The following AKAP11 variants were observed in gnomAD, a reference collection of about 807,000 sequenced individuals.
AKAP11 encodes the protein A-kinase anchor protein 11.
AKAP11 carries 36 observed loss-of-function variants against 146.1 expected under a neutral mutation model. That is an observed-to-expected ratio of 0.25 (90% CI 0.19 to 0.33). The LOEUF (loss-of-function observed/expected upper bound fraction) is 0.33, where lower values mean the gene tolerates loss of function less well. Ranked by LOEUF, AKAP11 falls within the 10% of genes least tolerant of loss-of-function variation. AKAP11 has a pLI of 1.00. For missense variants in AKAP11, 2,201 were observed against 2,197.0 expected (o/e 1.00, Z -0.04); for synonymous variants, 780 against 786.5 (o/e 0.99, Z 0.14).
intron 1 of AKAP11, among the ~76,000 whole-genome samples, chr13:42,281,511 G>C (rs1425356553): frequency 6.6e-6 from 1 of 152,164 alleles, no homozygotes; most frequent in East Asian, 1.9e-4. Flanking sequence ...TCAAGTAATA[G>C]GTGATGTCAA....
In AKAP11 at chr13:42,301,909, C is replaced by G; in HGVS notation, c.3163C>G (p.Leu1055Val). ...LKKHNLNSTS[L>V]EALSFGQENP... Reference sequence around the variant, plus strand: ...AAAGCATAACTTGAATAGTACATCACTTGAGGCCTTGTCTTTTGGACAGGA... The same window carrying G: ...AAAGCATAACTTGAATAGTACATCAGTTGAGGCCTTGTCTTTTGGACAGGA... Residue 1055 changes from leucine to valine, a missense_variant, in exon 8 of 13, where the codon CTT becomes GTT. By Grantham distance (32) the Leu-to-Val change is conservative (BLOSUM62 1). Transcript: ENST00000025301. 6.2e-7 allele frequency: 1 copy of G among 1,614,174 alleles called. No homozygotes were observed.
rs1224300043 is a variant in AKAP11, at chr13:42,303,171, C to A, written c.4425C>A (p.Ala1475=). The part of the protein sequence containing the change: ...ITKDAKEELT[A]SLVGLPKSLT... Reference sequence around the variant, plus strand: ...AAGATGCTAAGGAAGAGTTGACAGCCTCTCTAGTTGGCCTACCAAAATCCT... The same window carrying A: ...AAGATGCTAAGGAAGAGTTGACAGCATCTCTAGTTGGCCTACCAAAATCCT... The change falls in exon 8 of 13, where the codon GCC becomes GCA. Residue 1475 remains alanine (A), a synonymous_variant. Coordinates refer to ENST00000025301, the MANE Select transcript of AKAP11 (RefSeq NM_016248.4). The A allele has an allele frequency of 8.1e-6, 13 of 1,614,082 alleles. No individual in the cohort carries two copies. The highest frequency in any genetic ancestry group is 1.0e-5 in the Non-Finnish European group (12 of 1,180,044).
chr13:42,319,303 A>T lies in AKAP11; in HGVS notation c.*75A>T. ...AGCCAATAAAGATGTTTAGGATAAA[A>T]TTTGAATAGTGAATATTAACATCGT... On this transcript the variant is annotated 3_prime_UTR_variant, in exon 13 of 13. Transcript: ENST00000025301. 1 of 1,542,498 alleles carries T rather than the reference A, an allele frequency of 6.5e-7. No homozygotes were observed. Among genetic ancestry groups the T allele is most frequent in the East Asian group, 2.3e-5 (1 of 43,212 alleles).
rs758849047 is a variant in AKAP11 at position 42,299,915 on chromosome 13, A to G, written c.1169A>G (p.Lys390Arg). The change falls in exon 8 of 13, where the codon AAA (lysine) becomes AGA (arginine). Residue 390 changes from lysine (K) to arginine (R), a missense_variant. Physicochemically the swap from Lys to Arg is conservative, Grantham distance 26 (BLOSUM62 2). Transcript: ENST00000025301. ...IGKSSQRKGH[K>R]HGKSCMNPQK... ...AAGTCATCGCAGAGGAAAGGGCACA[A>G]ACATGGAAAGTCATGTATGAATCCT... 1 of 1,614,002 alleles carries G rather than the reference A, an allele frequency of 6.2e-7. No individual in the cohort carries two copies. Among genetic ancestry groups the G allele is most frequent in the Non-Finnish European group, 8.5e-7 (1 of 1,179,892 alleles).
At position 42,298,688 on chromosome 13, in the gene AKAP11, T is replaced by C. The variant is rs373511441; in HGVS notation, c.507T>C (p.Thr169=). The part of the protein sequence containing the change: ...FLHQKHQLET[T]DEDDDDTNQS... Reference sequence around the variant, plus strand: ...ATCAGAAGCACCAACTTGAGACCACTGATGAAGATGATGATGATACTAACC... The same window carrying C: ...ATCAGAAGCACCAACTTGAGACCACCGATGAAGATGATGATGATACTAACC... The change falls in exon 7 of 13, where the codon ACT becomes ACC. Residue 169 remains threonine, a synonymous_variant. Coordinates refer to ENST00000025301, the MANE Select transcript of AKAP11 (RefSeq NM_016248.4). 6.2e-7 allele frequency: 1 copy of C among 1,611,528 alleles called. No individual in the cohort carries two copies. Among genetic ancestry groups the C allele is most frequent in the Non-Finnish European group, 8.5e-7 (1 of 1,179,122 alleles).
At chr13:42,282,734 G>A (rs1253886544) in intron 1 of AKAP11, among the ~76,000 whole-genome samples, 3 of 152,098 alleles carry the variant, frequency 2.0e-5, no homozygotes, top group African/African-American at 7.2e-5. Context: ...ATAGTTTTCT[G>A]TGTGTTTCCT....
rs1253701275 is a variant in AKAP11, at chr13:42,298,637, A to G, written c.456A>G (p.Ile152Met). 7 of 1,612,208 alleles carry G rather than the reference A, an allele frequency of 4.3e-6. No individual in the cohort carries two copies. The highest frequency in any genetic ancestry group is 5.9e-6 in the Non-Finnish European group (7 of 1,179,352). ...FSLLSKYATG[I>M]RYTLDTFLHQ... ...TCCTAAGTAAATATGCTACTGGTATAAGGTACACCTTGGACACATTCTTGC... is the reference window on the plus strand; with the variant it reads ...TCCTAAGTAAATATGCTACTGGTATGAGGTACACCTTGGACACATTCTTGC... Residue 152 changes from isoleucine to methionine, a missense_variant, in exon 7 of 13, where the codon ATA becomes ATG. Around this residue, in one of 3 missense-constraint regions of AKAP11, gnomAD observed 331 missense variants for 347.4 expected, o/e 0.95. Coordinates refer to ENST00000025301, the MANE Select transcript of AKAP11 (RefSeq NM_016248.4).
Position 42,303,561 on chromosome 13 carries a change from C to G in AKAP11, c.4815C>G (p.His1605Gln). 2 of 1,614,226 alleles carry G rather than the reference C, an allele frequency of 1.2e-6. No individual in the cohort carries two copies. Among genetic ancestry groups the G allele is most frequent in the Non-Finnish European group, 1.7e-6 (2 of 1,180,040 alleles). ...ATTGCACTGGAAATTCATCTCAGCA[C>G]TTTTTCAGACAGGGTTCTCTCGCCA... ...LHNCTGNSSQHFFRQGSLASS... is the reference protein window; with the variant it reads ...LHNCTGNSSQQFFRQGSLASS... The change falls in exon 8 of 13, where the codon CAC (histidine) becomes CAG (glutamine). Residue 1605 changes from histidine to glutamine, a missense_variant. His to Gln is a conservative substitution (Grantham distance 24). Transcript: ENST00000025301.
chr13:42,273,132 T>G (rs1958819885), intron 1 of AKAP11, among the ~76,000 whole-genome samples: 1 of 152,218 alleles, frequency 6.6e-6, no homozygotes, highest in South Asian at 2.1e-4. Flanking sequence ...TTTTCAGCTT[T>G]TCAATCGCTT....
intron 1 of AKAP11, among the ~76,000 whole-genome samples, chr13:42,281,825 T>C (rs148340777): frequency 6.6e-6 from 1 of 152,158 alleles, no homozygotes; most frequent in Non-Finnish European, 1.5e-5. Context: ...TCTTCTCATA[T>C]TGTAGATAGA....
rs758473944 is a variant in AKAP11, at chr13:42,300,008, A to T, written c.1262A>T (p.Glu421Val). The change falls in exon 8 of 13, where the codon GAA becomes GTA. Residue 421 changes from glutamate (E) to valine (V), a missense_variant. Glu to Val is a moderately radical substitution (Grantham distance 121). Around this residue, in one of 3 missense-constraint regions of AKAP11, gnomAD observed 1,867 missense variants for 1,833.5 expected, o/e 1.02. Transcript: ENST00000025301. ...NVRKPTPRKP[E>V]SPYGNLCDAP... ...AGAAAGCCAACTCCTCGTAAACCAG[A>T]ATCTCCATATGGTAACCTGTGTGAT... 1 of 1,613,948 alleles carries T rather than the reference A, an allele frequency of 6.2e-7. No individual in the cohort carries two copies. Among genetic ancestry groups the T allele is most frequent in the Non-Finnish European group, 8.5e-7 (1 of 1,179,844 alleles).
chr13:42,307,132 G>A (rs1349888377), intron 8 of AKAP11, among the ~76,000 whole-genome samples: 3 of 152,122 alleles, frequency 2.0e-5, no homozygotes, highest in Non-Finnish European at 4.4e-5. Context: ...CACATATTAG[G>A]AAAAGTATTC....
At chr13:42,310,163 A>G (rs1960481636) in intron 9 of AKAP11, among the ~76,000 whole-genome samples, 1 of 152,218 alleles carries the variant, frequency 6.6e-6, no homozygotes, top group African/African-American at 2.4e-5. Flanking sequence ...AATGATTAAT[A>G]TTTGAACTTA....
intron 3 of AKAP11, among the ~76,000 whole-genome samples, chr13:42,288,078 T>G (rs1594311826): frequency 6.6e-6 from 1 of 152,244 alleles, no homozygotes; most frequent in Non-Finnish European, 1.5e-5. Context: ...TAAACAGTTA[T>G]GCACACACAT....
intron 10 of AKAP11, 126 bp from the exon 11 acceptor site, chr13:42,313,768 C>A: frequency 1.4e-6 from 1 of 711,328 alleles, no homozygotes; most frequent in Non-Finnish European, 2.2e-6. Flanking sequence ...ATTGTCATTT[C>A]TCCCCTTTCT....
chr13:42,309,595 G>A (rs1175838793), intron 9 of AKAP11, among the ~76,000 whole-genome samples: 1 of 152,144 alleles, frequency 6.6e-6, no homozygotes, highest in African/African-American at 2.4e-5. Context: ...TAATATTTTT[G>A]TAAAGTATAT....
intron 8 of AKAP11, among the ~76,000 whole-genome samples, chr13:42,305,345 C>T (rs1395201597): frequency 3.3e-5 from 5 of 152,076 alleles, no homozygotes; most frequent in African/African-American, 7.3e-5. Context: ...TGCTCCATAG[C>T]GTCTACTTGA....
intron 9 of AKAP11, among the ~76,000 whole-genome samples, chr13:42,312,134 A>G (rs1001568019): frequency 2.0e-5 from 3 of 152,210 alleles, no homozygotes; most frequent in African/African-American, 4.8e-5. Context: ...TAATATTGGG[A>G]AAAATCGCTG....
intron 4 of AKAP11, 42 bp from the exon 5 acceptor site, chr13:42,295,653 T>C: frequency 6.3e-7 from 1 of 1,586,638 alleles, no homozygotes; most frequent in Non-Finnish European, 8.7e-7. Context: ...CTGAAAGATT[T>C]AAAAATTCAA....
Sources: gnomAD v4.1 joint callset for allele counts (sites outside exome capture counted in the v4.1 genomes callset) on GRCh38, gnomAD v4.1.1 for gene constraint, gnomAD v4.1.1 regional missense constraint, MANE v1.5 for transcripts, NCBI Gene and HGNC (gene_info 2026-07-23, HGNC 2026-07-21) for gene names.